The following OR1A1 variants were observed in gnomAD, a reference collection of about 807,000 sequenced individuals.
OR1A1 encodes olfactory receptor family 1 subfamily A member 1.
For synonymous variants in OR1A1, 145 were observed against 147.8 expected, an observed-to-expected ratio of 0.98 and a Z score of 0.13; for missense variants, 391 against 379.9, an observed-to-expected ratio of 1.03 and a Z score of -0.24.
Position 3,216,336 on chromosome 17 carries a change from C to A in OR1A1, c.716C>A (p.Thr239Asn), listed in dbSNP as rs2048469271. 6.2e-6 allele frequency: 10 copies of A among 1,614,212 alleles called. 1 individual carries two copies. In the East Asian group the frequency reaches 2.2e-4, roughly 36 times the overall value. ...AAGGGCGTGCTCAAGGCCTTCTCCA[C>A]CTGTGGTTCCCACCTCACGGTTGTC... ...STKGVLKAFS[T>N]CGSHLTVVSL... Residue 239 changes from threonine (T) to asparagine (N), a missense_variant, in exon 4 of 4, where the codon ACC (threonine) becomes AAC (asparagine). Thr to Asn is a moderately conservative substitution (Grantham distance 65). Transcript: ENST00000641732.
chr17:3,211,269 T>C (rs1363501095), intron 2 of OR1A1, among the ~76,000 whole-genome samples: 1 of 152,184 alleles, frequency 6.6e-6, no homozygotes, highest in African/African-American at 2.4e-5. Flanking sequence ...TTTTTGTACC[T>C]AATGAGACAA....
At position 3,216,688 on chromosome 17, in the gene OR1A1, A is replaced by G. The variant is rs2048472271; in HGVS notation, c.*138A>G. The G allele has an allele frequency of 3.1e-6, 2 of 637,550 alleles. No homozygotes were observed. Among genetic ancestry groups the G allele is most frequent in the South Asian group, 2.4e-5 (1 of 42,002 alleles). The allele number at this position is 637,550 out of a possible 1,614,324, so 39.5% of individuals were successfully genotyped here. On this transcript the variant is annotated 3_prime_UTR_variant, in exon 4 of 4. Coordinates refer to ENST00000641732, the MANE Select transcript of OR1A1 (RefSeq NM_014565.3). ...TTCCTAATCTCAGAACTCTTATAAC[A>G]TTTTAATAAGTTAATAATAAGTGAT... is the stretch of plus-strand genomic sequence containing the variant.
intron 2 of OR1A1, among the ~76,000 whole-genome samples, chr17:3,211,516 A>G (rs1366243667): frequency 6.6e-6 from 1 of 151,980 alleles, no homozygotes; most frequent in Non-Finnish European, 1.5e-5. Context: ...TTGTATTTTT[A>G]GTAGAGATGG....
chr17:3,214,789 A>G (rs897825030), intron 3 of OR1A1: 6 of 152,156 alleles, frequency 3.9e-5, no homozygotes, highest in African/African-American at 1.4e-4. Context: ...AATAATTAAG[A>G]ACAGGAAGAG....
chr17:3,213,904 T>C (rs1190767305), intron 3 of OR1A1: 1 of 152,200 alleles, frequency 6.6e-6, no homozygotes, highest in Non-Finnish European at 1.5e-5. Context: ...TCGTTGCCGC[T>C]GTAATTTAAG....
chr17:3,208,755 G>A lies in OR1A1; in HGVS notation c.-382G>A, dbSNP rs2150594889. 6.6e-6 allele frequency: 1 copy of A among 152,286 alleles called. No individual in the cohort carries two copies. The highest frequency in any genetic ancestry group is 2.1e-4 in the South Asian group (1 of 4,812). The allele number at this position is 152,286 out of a possible 1,614,324, so 9.4% of individuals were successfully genotyped here. ...GAGGCACCTCCTGGCTTCTCTTCTTGGTGGTAGAGGGTCTTTTTACCTCTT... is the reference window on the plus strand; with the variant it reads ...GAGGCACCTCCTGGCTTCTCTTCTTAGTGGTAGAGGGTCTTTTTACCTCTT... On this transcript the variant is annotated 5_prime_UTR_variant, in exon 2 of 4. An upstream open reading frame in the 5' UTR gains an earlier in-frame stop. Coordinates refer to ENST00000641732, the MANE Select transcript of OR1A1 (RefSeq NM_014565.3).
rs763465517 is a variant in OR1A1, at chr17:3,216,048, G to T, written c.428G>T (p.Trp143Leu). 5.6e-6 allele frequency: 9 copies of T among 1,614,100 alleles called. No individual in the cohort carries two copies. Among genetic ancestry groups the T allele is most frequent in the Non-Finnish European group, 7.6e-6 (9 of 1,180,028 alleles). Residue 143 changes from tryptophan to leucine, a missense_variant, in exon 4 of 4, where the codon TGG (tryptophan) becomes TTG (leucine). Transcript: ENST00000641732. ...ATTATGAGTCCACGGTCTTGTATCT[G>T]GCTTATTGCTGGGTCTTGGGTGATT... is the stretch of plus-strand genomic sequence containing the variant. Reference protein sequence around the residue: ...TTIMSPRSCIWLIAGSWVIGN... With the variant: ...TTIMSPRSCILLIAGSWVIGN...
chr17:3,208,765 G>A lies in OR1A1; in HGVS notation c.-372G>A, dbSNP rs990861382. 2.0e-5 allele frequency: 3 copies of A among 152,012 alleles called. No homozygotes were observed. Among genetic ancestry groups the A allele is most frequent in the African/African-American group, 7.3e-5 (3 of 41,364 alleles). The allele number at this position is 152,012 out of a possible 1,614,324, so 9.4% of individuals were successfully genotyped here. A position where few individuals can be genotyped will look rare whatever the true frequency, so the allele number is the denominator to read the frequency against. On this transcript the variant is annotated 5_prime_UTR_variant, in exon 2 of 4. Coordinates refer to ENST00000641732, the MANE Select transcript of OR1A1 (RefSeq NM_014565.3). ...CTGGCTTCTCTTCTTGGTGGTAGAGGGTCTTTTTACCTCTTTCCCCTAGTC... is the reference window on the plus strand; with the variant it reads ...CTGGCTTCTCTTCTTGGTGGTAGAGAGTCTTTTTACCTCTTTCCCCTAGTC...
At chr17:3,209,036 T>G (rs756156701) in intron 2 of OR1A1, 38 bp downstream of exon 2, 1 of 152,194 alleles carries the variant, frequency 6.6e-6, no homozygotes, top group Non-Finnish European at 1.5e-5. Context: ...TTTTTTTAAA[T>G]TATTTTATTT....
Position 3,207,927 on chromosome 17 carries a change from G to A in OR1A1, c.-630G>A, listed in dbSNP as rs958761394. Reference sequence around the variant, plus strand: ...AACTGACTCCACAGATAGGGACTTAGACATTGGAAGAGACTGTATCACAGC... The same window carrying A: ...AACTGACTCCACAGATAGGGACTTAAACATTGGAAGAGACTGTATCACAGC... On this transcript the variant is annotated 5_prime_UTR_variant, in exon 1 of 4. Transcript: ENST00000641732. 6.6e-6 allele frequency: 1 copy of A among 152,228 alleles called. No individual in the cohort carries two copies. Among genetic ancestry groups the A allele is most frequent in the African/African-American group, 2.4e-5 (1 of 41,452 alleles). The allele number at this position is 152,228 out of a possible 1,614,324, so 9.4% of individuals were successfully genotyped here. A position where few individuals can be genotyped will look rare whatever the true frequency, so the allele number is the denominator to read the frequency against.
rs974386736 is a variant in OR1A1, at chr17:3,207,763, C to G, written c.-794C>G. ...TCCACCTCAGGAACAGAGGATTGTT[C>G]CCCATCCTGCCACTGCTTCTCCAGC... On this transcript the variant is annotated 5_prime_UTR_variant, in exon 1 of 4. Coordinates refer to ENST00000641732, the MANE Select transcript of OR1A1 (RefSeq NM_014565.3). The G allele has an allele frequency of 2.0e-5, 3 of 152,262 alleles. No homozygotes were observed. Among genetic ancestry groups the G allele is most frequent in the African/African-American group, 7.2e-5 (3 of 41,462 alleles). The allele number at this position is 152,262 out of a possible 1,614,324, so 9.4% of individuals were successfully genotyped here.
rs568101208 is a variant in OR1A1 at position 3,216,486 on chromosome 17, G to C, written c.866G>C (p.Ser289Thr). 1 of 1,613,988 alleles carries C rather than the reference G, an allele frequency of 6.2e-7. No individual in the cohort carries two copies. The highest frequency in any genetic ancestry group is 8.5e-7 in the Non-Finnish European group (1 of 1,180,012). ...VTPMLNPFIY[S>T]LRNRDMKAAL... ...CCAATGTTAAATCCTTTCATCTACA[G>C]TCTGAGAAATCGGGACATGAAGGCT... The change falls in exon 4 of 4, where the codon AGT becomes ACT. Residue 289 changes from serine (S) to threonine (T), a missense_variant. Ser to Thr is a moderately conservative substitution (Grantham distance 58). Transcript: ENST00000641732.
intron 2 of OR1A1, among the ~76,000 whole-genome samples, chr17:3,209,438 C>T (rs34220015): frequency 0.25 from 38,059 of 151,832 alleles, 5,566 homozygotes; most frequent in East Asian, 0.57. Flanking sequence ...ACCTGGGCAA[C>T]GCAGCAAAAC....
Position 3,216,880 on chromosome 17 carries a change from G to A in OR1A1, c.*330G>A, listed in dbSNP as rs554020347. 5 of 224,384 alleles carry A rather than the reference G, an allele frequency of 2.2e-5. No individual in the cohort carries two copies. In the East Asian group the frequency reaches 4.6e-4, roughly 21 times the overall value. The allele number at this position is 224,384 out of a possible 1,614,324, so 13.9% of individuals were successfully genotyped here. A position where few individuals can be genotyped will look rare whatever the true frequency, so the allele number is the denominator to read the frequency against. The stretch of plus-strand genomic sequence containing the variant: ...AAGTGCCCTACATGGGTCACATGGT[G>A]TGTTGATTACAATAGCTCATGCTTC... On this transcript the variant is annotated 3_prime_UTR_variant, in exon 4 of 4. Coordinates refer to ENST00000641732, the MANE Select transcript of OR1A1 (RefSeq NM_014565.3).
chr17:3,212,255 A>C (rs2048445951), intron 2 of OR1A1, among the ~76,000 whole-genome samples: 1 of 152,182 alleles, frequency 6.6e-6, no homozygotes, highest in African/African-American at 2.4e-5. Context: ...TAAAGACCTT[A>C]TACCCAGCCA....
At chr17:3,208,278 A>G (rs1051261955) in intron 1 of OR1A1, among the ~76,000 whole-genome samples, 8 of 152,094 alleles carry the variant, frequency 5.3e-5, no homozygotes, top group African/African-American at 1.9e-4. Context: ...CATCAGAAAA[A>G]GATAATTCTG....
Position 3,218,161 on chromosome 17 carries a change from T to G in OR1A1, c.*1611T>G, listed in dbSNP as rs751790016. On this transcript the variant is annotated 3_prime_UTR_variant, in exon 4 of 4. Transcript: ENST00000641732. ...GACATTTATGCAGCCAATAAACATATGAAAAAAAGCTCAACATCACTGGTC... is the reference window on the plus strand; with the variant it reads ...GACATTTATGCAGCCAATAAACATAGGAAAAAAAGCTCAACATCACTGGTC... 6.6e-6 allele frequency: 1 copy of G among 152,032 alleles called. No homozygotes were observed. The allele number at this position is 152,032 out of a possible 1,614,324, so 9.4% of individuals were successfully genotyped here. A position where few individuals can be genotyped will look rare whatever the true frequency, so the allele number is the denominator to read the frequency against.
At chr17:3,213,628 G>C (rs2048453369) in intron 3 of OR1A1, 1 of 152,174 alleles carries the variant, frequency 6.6e-6, no homozygotes. Context: ...AAATGTTTTT[G>C]TTTGGGGGAG....
At position 3,217,310 on chromosome 17, in the gene OR1A1, C is replaced by A. The variant is rs1294335822; in HGVS notation, c.*760C>A. On this transcript the variant is annotated 3_prime_UTR_variant, in exon 4 of 4. Transcript: ENST00000641732. The stretch of plus-strand genomic sequence containing the variant: ...AACAAATGGAAAAACATTCCATCCT[C>A]TTTTATACAAAGAATCAATATCATG... The A allele has an allele frequency of 2.0e-5, 3 of 152,174 alleles. No individual in the cohort carries two copies. Among genetic ancestry groups the A allele is most frequent in the Admixed American group, 2.0e-4 (3 of 15,272 alleles). The allele number at this position is 152,174 out of a possible 1,614,324, so 9.4% of individuals were successfully genotyped here. A position where few individuals can be genotyped will look rare whatever the true frequency, so the allele number is the denominator to read the frequency against.
Sources: allele counts gnomAD v4.1 joint callset (sites outside exome capture counted in the v4.1 genomes callset), GRCh38; gene constraint gnomAD v4.1.1; transcripts MANE v1.5; gene names NCBI Gene and HGNC (gene_info 2026-07-23, HGNC 2026-07-21).